Variants in ZMYM2 observed in about 807,000 individuals in gnomAD.
The protein encoded by ZMYM2 is zinc finger MYM-type containing 2.
Under a neutral mutation model 162.8 loss-of-function variants are expected in ZMYM2, and 56 were observed. The observed-to-expected ratio is 0.34, with a 90% confidence interval of 0.28 to 0.43. ZMYM2 has a LOEUF of 0.43. ZMYM2 is among the 20% of genes least tolerant of loss of function. The probability of loss-of-function intolerance (pLI) is 1.00; values close to 1 mark genes in which losing one functional copy is unlikely to be tolerated. For missense variants in ZMYM2, 1,275 were observed against 1,621.8 expected (o/e 0.79, Z 3.67); for synonymous variants, 510 against 541.6 (o/e 0.94, Z 0.81).
chr13:19,878,407 G>A, the ZMYM2 span, among the ~76,000 whole-genome samples: 192 of 151,874 alleles, frequency 1.3e-3, 1 homozygote, highest in African/African-American at 4.3e-3. Flanking sequence ...GTATCCAATT[G>A]TGGTTCTGAT....
chr13:19,946,861 A>G, the ZMYM2 span, among the ~76,000 whole-genome samples: 2 of 152,204 alleles, frequency 1.3e-5, no homozygotes, highest in Non-Finnish European at 2.9e-5. Context: ...CAATTAAACA[A>G]TTATAGATGT....
intron 12 of ZMYM2, among the ~76,000 whole-genome samples, chr13:20,049,158 TAGTA>T (rs1234124302): frequency 7.4e-6 from 1 of 136,038 alleles, no homozygotes; most frequent in Non-Finnish European, 1.6e-5. Flanking sequence ...TTGGAATTAT[TAGTA>T]TTGAGTTCTC....
intron 18 of ZMYM2, among the ~76,000 whole-genome samples, 180 bp downstream of exon 18, chr13:20,063,151 C>T (rs1426995238): frequency 1.3e-5 from 2 of 151,090 alleles, no homozygotes; most frequent in Admixed American, 1.3e-4. Context: ...TTTTAAAAAC[C>T]CACCTTAACA....
chr13:19,947,688 A>AGTCTCGAATT, the ZMYM2 span, among the ~76,000 whole-genome samples: 20 of 133,960 alleles, frequency 1.5e-4, no homozygotes, highest in East Asian at 2.0e-4. Flanking sequence ...AGGCTAGGCT[A>AGTCTCGAATT]GTCTCGAATT....
chr13:19,885,888 TATGTGTATACAC>T, the ZMYM2 span, among the ~76,000 whole-genome samples: 2 of 121,312 alleles, frequency 1.6e-5, 1 homozygote, highest in African/African-American at 7.0e-5. Context: ...TACACATATA[TATGTGTATACAC>T]ATATATATGT....
chr13:20,003,071 A>G lies in ZMYM2; in HGVS notation c.1069A>G (p.Thr357Ala), dbSNP rs761272661. 3.1e-6 allele frequency: 5 copies of G among 1,614,226 alleles called. No individual in the cohort carries two copies. The Admixed American group carries it at 8.3e-5, about 27-fold the overall frequency. The change falls in exon 4 of 25, where the codon ACC (threonine) becomes GCC (alanine). Residue 357 changes from threonine (T) to alanine (A), a missense_variant. Thr to Ala is a moderately conservative substitution (Grantham distance 58, BLOSUM62 0). This residue lies in a region of ZMYM2 where 115 missense variants were observed against 175.3 expected (regional missense o/e 0.66). Coordinates refer to ENST00000610343, the MANE Select transcript of ZMYM2 (RefSeq NM_197968.4). ...AGGATCAGCTCACCTCTTTTGTTCT[A>G]CCACCTGCCTTTCTTCCTTCTCCCA... ...RKGSAHLFCS[T>A]TCLSSFSHKP...
the ZMYM2 span, among the ~76,000 whole-genome samples, chr13:19,867,336 G>A: frequency 4.1e-5 from 6 of 146,612 alleles, no homozygotes; most frequent in African/African-American, 1.5e-4. Flanking sequence ...GGCGACAAGA[G>A]CGAAACTCCA....
chr13:20,056,316 A>G (rs1016278412), intron 14 of ZMYM2, among the ~76,000 whole-genome samples: 3 of 152,182 alleles, frequency 2.0e-5, no homozygotes, highest in Non-Finnish European at 4.4e-5. Context: ...GTTGAACACT[A>G]TCTTCAGGGT....
At chr13:20,000,845 A>G (rs558892209) in intron 3 of ZMYM2, among the ~76,000 whole-genome samples, 1 of 152,240 alleles carries the variant, frequency 6.6e-6, no homozygotes, top group Non-Finnish European at 1.5e-5. Context: ...GTAAGGCTAT[A>G]ACTGCCATAG....
At position 20,061,113 on chromosome 13, in the gene ZMYM2, A is replaced by G. The variant is rs1300056039; in HGVS notation, c.2800A>G (p.Ile934Val). The G allele has an allele frequency of 6.2e-7, 1 of 1,612,922 alleles. No individual in the cohort carries two copies. Among genetic ancestry groups the G allele is most frequent in the Non-Finnish European group, 8.5e-7 (1 of 1,179,438 alleles). The change falls in exon 17 of 25, where the codon ATT becomes GTT. Residue 934 changes from isoleucine (I) to valine (V), a missense_variant. Coordinates refer to ENST00000610343, the MANE Select transcript of ZMYM2 (RefSeq NM_197968.4). Reference protein sequence around the residue: ...LDSSEKIPAAIEELKSKVSSD... With the variant: ...LDSSEKIPAAVEELKSKVSSD... ...CAGCAGTGAGAAGATTCCTGCAGCA[A>G]TTGAGGAGCTAAAAAGCAAGGTTTC...
In ZMYM2 at chr13:20,061,134, G is replaced by A. The variant is rs774709366; in HGVS notation, c.2821G>A (p.Val941Ile). 2.4e-5 allele frequency: 39 copies of A among 1,613,466 alleles called. No homozygotes were observed. The South Asian group carries it at 3.7e-4, about 15-fold the overall frequency. Residue 941 changes from valine to isoleucine, a missense_variant, in exon 17 of 25, where the codon GTT becomes ATT. Transcript: ENST00000610343. ...PAAIEELKSK[V>I]SSDALDTELL... ...AGCAATTGAGGAGCTAAAAAGCAAG[G>A]TTTCTTCAGATGCTCTTGATACAGA...
At chr13:19,987,991 C>T (rs910356011) in intron 2 of ZMYM2, among the ~76,000 whole-genome samples, 1 of 152,222 alleles carries the variant, frequency 6.6e-6, no homozygotes, top group African/African-American at 2.4e-5. Flanking sequence ...AGCAGATAGA[C>T]ACACAGCTCT....
chr13:19,988,882 G>T (rs148199041), intron 2 of ZMYM2, among the ~76,000 whole-genome samples: 1 of 152,258 alleles, frequency 6.6e-6, no homozygotes, highest in Non-Finnish European at 1.5e-5. Context: ...TTTGTATCTG[G>T]AGATTGCATC....
Position 20,058,663 on chromosome 13 carries a change from C to T in ZMYM2, c.2582C>T (p.Thr861Ile), listed in dbSNP as rs1955993668. 6.2e-7 allele frequency: 1 copy of T among 1,613,644 alleles called. No homozygotes were observed. Among genetic ancestry groups the T allele is most frequent in the African/African-American group, 1.3e-5 (1 of 74,904 alleles). ...LCKPLTMTKA[T>I]YCKPHMQTKS... ...AAACCTTTAACAATGACAAAAGCTA[C>T]TTACTGTAAACCTCACATGCAGACC... Residue 861 changes from threonine (T) to isoleucine (I), a missense_variant, in exon 15 of 25, where the codon ACT becomes ATT. Transcript: ENST00000610343.
chr13:20,044,808 G>A (rs1012412019), intron 12 of ZMYM2, among the ~76,000 whole-genome samples: 4 of 151,838 alleles, frequency 2.6e-5, no homozygotes, highest in African/African-American at 9.7e-5. Flanking sequence ...CCAGCACTTT[G>A]GGAGGCCAAG....
At chr13:19,958,140 C>G (rs1270223942), upstream of ZMYM2, among the ~76,000 whole-genome samples, 3 of 152,238 alleles carry the variant, frequency 2.0e-5, no homozygotes, top group Non-Finnish European at 4.4e-5. Context: ...CTGCCCCCAG[C>G]GCGGTCGGGA....
chr13:19,878,753 A>G, the ZMYM2 span, among the ~76,000 whole-genome samples: 11 of 152,046 alleles, frequency 7.2e-5, no homozygotes, highest in African/African-American at 2.7e-4. Context: ...AACTCCTGAC[A>G]TCGGGTGATC....
intron 2 of ZMYM2, chr13:19,965,142 C>G: frequency 1.3e-6 from 1 of 758,422 alleles, no homozygotes; most frequent in Admixed American, 4.0e-5. Flanking sequence ...TTGGGATGCA[C>G]AGTTAGAAGT....
the ZMYM2 span, among the ~76,000 whole-genome samples, chr13:19,903,135 A>G: frequency 6.6e-6 from 1 of 152,134 alleles, no homozygotes; most frequent in Non-Finnish European, 1.5e-5. Context: ...TAGCCTGGGC[A>G]ACAAGAGTGA....
Sources: allele counts gnomAD v4.1 joint callset (sites outside exome capture counted in the v4.1 genomes callset), GRCh38; gene constraint gnomAD v4.1.1; regional missense constraint gnomAD v4.1.1; transcripts MANE v1.5; gene names NCBI Gene and HGNC (gene_info 2026-07-23, HGNC 2026-07-21).